The following CFAP54 variants were observed in gnomAD, a reference collection of about 807,000 sequenced individuals.
CFAP54 encodes the protein cilia- and flagella-associated protein 54.
A neutral mutation model predicts 370.4 loss-of-function variants in CFAP54; 290 were observed. The observed-to-expected ratio is 0.78, with a 90% CI of 0.71 to 0.86. CFAP54 has a LOEUF of 0.86. Ranked by LOEUF, CFAP54 falls within the 40% of genes least tolerant of loss-of-function variation. The probability of loss-of-function intolerance (pLI) is 0.00; values close to 1 mark genes in which losing one functional copy is unlikely to be tolerated. For synonymous variants in CFAP54, 1,206 were observed against 1,236.5 expected (o/e 0.98, Z 0.52); for missense variants, 3,399 against 3,528.7 (o/e 0.96, Z 0.93).
At position 96,784,835 on chromosome 12, in the gene CFAP54, T is replaced by A. The variant is rs1390023052; in HGVS notation, c.8400T>A (p.Leu2800=). The A allele has an allele frequency of 6.5e-7, 1 of 1,533,574 alleles. No individual in the cohort carries two copies. Among genetic ancestry groups the A allele is most frequent in the Non-Finnish European group, 8.7e-7 (1 of 1,145,474 alleles). The allele number at this position is 1,533,574 out of a possible 1,614,324, so 95.0% of individuals were successfully genotyped here. A position where few individuals can be genotyped will look rare whatever the true frequency, so the allele number is the denominator to read the frequency against. ...TQTKVDITWI[L]LLRYYIHLQR... Reference sequence around the variant, plus strand: ...CCAAAGTGGATATTACATGGATCCTTCTACTGCGCTACTATATTCACCTTC... The same window carrying A: ...CCAAAGTGGATATTACATGGATCCTACTACTGCGCTACTATATTCACCTTC... The change falls in exon 61 of 68, where the codon CTT becomes CTA. Residue 2800 remains leucine (L), a synonymous_variant. Coordinates refer to ENST00000524981, the MANE Select transcript of CFAP54 (RefSeq NM_001306084.2).
chr12:96,678,900 A>G (rs1357628023), intron 39 of CFAP54, among the ~76,000 whole-genome samples: 1 of 152,140 alleles, frequency 6.6e-6, no homozygotes, highest in African/African-American at 2.4e-5. Context: ...GGGGGCTTCC[A>G]CTTGTTCAAC....
At chr12:96,510,548 T>C (rs1354429509) in intron 4 of CFAP54, among the ~76,000 whole-genome samples, 1 of 152,218 alleles carries the variant, frequency 6.6e-6, no homozygotes, top group Non-Finnish European at 1.5e-5. Context: ...CTGGCATGTT[T>C]ATACAGGCTC....
intron 60 of CFAP54, among the ~76,000 whole-genome samples, chr12:96,767,174 G>A (rs147161552): frequency 1.5e-3 from 224 of 152,310 alleles, no homozygotes; most frequent in African/African-American, 5.1e-3. Flanking sequence ...AGGGAGAGAG[G>A]CATGGATGTT....
At chr12:96,651,208 T>C (rs974156316) in intron 35 of CFAP54, among the ~76,000 whole-genome samples, 1 of 152,238 alleles carries the variant, frequency 6.6e-6, no homozygotes, top group Non-Finnish European at 1.5e-5. Context: ...CTTGAAATTA[T>C]GTTTTTATAT....
At chr12:96,805,002 C>G (rs1958862836) in intron 63 of CFAP54, among the ~76,000 whole-genome samples, 1 of 152,078 alleles carries the variant, frequency 6.6e-6, no homozygotes, top group Non-Finnish European at 1.5e-5. Context: ...GGAAAGGACA[C>G]CCTGTTTAAT....
At chr12:96,551,408 C>T (rs1283395045) in intron 15 of CFAP54, among the ~76,000 whole-genome samples, 1 of 151,632 alleles carries the variant, frequency 6.6e-6, no homozygotes, top group African/African-American at 2.4e-5. Flanking sequence ...GGCCTGCCCT[C>T]AAGTAGGTTT....
At chr12:96,849,787 T>C (rs1959483386) in intron 66 of CFAP54, among the ~76,000 whole-genome samples, 1 of 152,162 alleles carries the variant, frequency 6.6e-6, no homozygotes, top group Non-Finnish European at 1.5e-5. Context: ...CTTCTTACTA[T>C]TTCAGACTTT....
chr12:96,691,309 T>C lies in CFAP54; in HGVS notation c.6263T>C (p.Ile2088Thr). ...RELHFVRQNL[I>T]VLPLLALYQY... ...CTGCACTTTGTTAGGCAAAACCTAATAGTAAGTAATTTGTAAAATAAAAAT... is the reference window on the plus strand; with the variant it reads ...CTGCACTTTGTTAGGCAAAACCTAACAGTAAGTAATTTGTAAAATAAAAAT... The change falls in exon 44 of 68, where the codon ATA becomes ACA. Residue 2088 changes from isoleucine (I) to threonine (T), a missense_variant and splice_region_variant. Physicochemically the swap from Ile to Thr is moderately conservative, Grantham distance 89. Transcript: ENST00000524981. 6.4e-7 allele frequency: 1 copy of C among 1,569,886 alleles called. No individual in the cohort carries two copies.
At chr12:96,856,233 C>G (rs918337485) in intron 66 of CFAP54, among the ~76,000 whole-genome samples, 1 of 152,116 alleles carries the variant, frequency 6.6e-6, no homozygotes, top group Non-Finnish European at 1.5e-5. Context: ...GGGCCTGCCC[C>G]GAAGGTCTCT....
chr12:96,581,250 A>C, intron 22 of CFAP54, 145 bp downstream of exon 22: 1 of 528,560 alleles, frequency 1.9e-6, no homozygotes, highest in Non-Finnish European at 2.9e-6. Context: ...GTTTTGTCTC[A>C]TAAAATATGA....
intron 30 of CFAP54, among the ~76,000 whole-genome samples, chr12:96,629,480 T>C (rs1328990808): frequency 1.3e-5 from 2 of 151,420 alleles, no homozygotes; most frequent in Non-Finnish European, 2.9e-5. Context: ...TAATTTTTTT[T>C]TTTTTTGTAT....
intron 59 of CFAP54, among the ~76,000 whole-genome samples, chr12:96,764,723 T>A (rs1958380734): frequency 6.6e-6 from 1 of 151,764 alleles, no homozygotes; most frequent in South Asian, 2.1e-4. Context: ...TTTCAATCTC[T>A]CTATTAGCCA....
At chr12:96,708,420 A>G (rs1342377630) in intron 47 of CFAP54, among the ~76,000 whole-genome samples, 188 bp from the exon 48 acceptor site, 1 of 152,122 alleles carries the variant, frequency 6.6e-6, no homozygotes, top group East Asian at 1.9e-4. Context: ...CAGCAGAAGC[A>G]TTGTTGAACT....
intron 1 of CFAP54, among the ~76,000 whole-genome samples, chr12:96,497,642 A>G (rs956154087): frequency 6.6e-6 from 1 of 152,212 alleles, no homozygotes; most frequent in East Asian, 1.9e-4. Context: ...GATACCTGCA[A>G]AGACAAGCAC....
chr12:96,553,574 A>G (rs1463909388), intron 15 of CFAP54, among the ~76,000 whole-genome samples: 1 of 144,030 alleles, frequency 6.9e-6, no homozygotes, highest in Non-Finnish European at 1.5e-5. Flanking sequence ...ATATAGTTAT[A>G]TATATATAAC....
intron 66 of CFAP54, among the ~76,000 whole-genome samples, chr12:96,848,769 C>T (rs942160530): frequency 4.6e-5 from 7 of 152,162 alleles, no homozygotes; most frequent in Non-Finnish European, 8.8e-5. Flanking sequence ...TTAAAAAACC[C>T]CTTTTTTGTC....
At chr12:96,555,499 T>G (rs994034466) in intron 17 of CFAP54, among the ~76,000 whole-genome samples, 5 of 150,602 alleles carry the variant, frequency 3.3e-5, no homozygotes, top group African/African-American at 1.2e-4. Flanking sequence ...CCAGATTATA[T>G]GATTGTCTAC....
chr12:96,749,348 C>A (rs766314163), intron 55 of CFAP54, among the ~76,000 whole-genome samples: 1 of 152,216 alleles, frequency 6.6e-6, no homozygotes, highest in African/African-American at 2.4e-5. Flanking sequence ...AGAGCCCTCA[C>A]GACCTAATCA....
intron 66 of CFAP54, among the ~76,000 whole-genome samples, chr12:96,833,428 C>T (rs1959176683): frequency 6.6e-6 from 1 of 151,060 alleles, no homozygotes; most frequent in Non-Finnish European, 1.5e-5. Context: ...ATTAAAGTTC[C>T]TGTAGTTAGC....
Sources: allele counts gnomAD v4.1 joint callset (sites outside exome capture counted in the v4.1 genomes callset), GRCh38; gene constraint gnomAD v4.1.1; transcripts MANE v1.5; gene names NCBI Gene and HGNC (gene_info 2026-07-23, HGNC 2026-07-21).